FANCI: variants seen among roughly 807,000 people sequenced by gnomAD.
The protein encoded by FANCI is Fanconi anemia group I protein.
Under a neutral mutation model 176.1 loss-of-function variants are expected in FANCI, and 156 were observed. The observed-to-expected ratio is 0.89, with a 90% CI of 0.78 to 1.01. The LOEUF (loss-of-function observed/expected upper bound fraction) is 1.01, where lower values mean the gene tolerates loss of function less well. FANCI is among the 50% of genes least tolerant of loss of function. The pLI, the probability that FANCI is intolerant of heterozygous loss-of-function variation, is 0.00. For synonymous variants in FANCI, 613 were observed against 541.7 expected, an observed-to-expected ratio of 1.13 and a Z score of -1.83; for missense variants, 1,678 against 1,534.1, an observed-to-expected ratio of 1.09 and a Z score of -1.57.
intron 34 of FANCI, among the ~76,000 whole-genome samples, chr15:89,311,537 C>T (rs73472633): frequency 0.033 from 5,035 of 152,294 alleles, 255 homozygotes; most frequent in African/African-American, 0.11. Flanking sequence ...TGGACACAAC[C>T]TCTGGGAAGA....
chr15:89,261,781 C>T (rs374069063), intron 5 of FANCI, 40 bp downstream of exon 5: 14 of 1,614,116 alleles, frequency 8.7e-6, no homozygotes, highest in Middle Eastern at 3.3e-4. Flanking sequence ...TCTCTATGCA[C>T]ATAATCAAAT....
chr15:89,278,632 T>A lies in FANCI; in HGVS notation c.1294-55T>A, dbSNP rs968742658. 10 of 1,336,368 alleles carry A rather than the reference T, an allele frequency of 7.5e-6. No individual in the cohort carries two copies. The African/African-American group carries it at 8.7e-5, about 12-fold the overall frequency. 82.8% of individuals were successfully genotyped at this position (1,336,368 alleles called of 1,614,324 possible). On this transcript the variant is annotated intron_variant, in intron 13 of 37. Transcript: ENST00000310775. ...TCATGCTGCCTGACATGCATTGATA[T>A]ACTTAAAAGCTGAAGGGTCACCCAG...
chr15:89,314,746 C>A, intron 36 of FANCI, 39 bp downstream of exon 36: 1 of 1,455,562 alleles, frequency 6.9e-7, no homozygotes, highest in East Asian at 2.3e-5. Context: ...TTCCCATTTA[C>A]CTTCTTGACA....
At chr15:89,307,811 C>A in intron 34 of FANCI, 139 bp downstream of exon 34, 1 of 1,550,868 alleles carries the variant, frequency 6.4e-7, no homozygotes, top group Non-Finnish European at 8.7e-7. Flanking sequence ...CCATCAGAGA[C>A]CAAGCCAAGG....
At chr15:89,260,974 CAAAG>C in intron 4 of FANCI, 131 bp downstream of exon 4, 1 of 1,209,248 alleles carries the variant, frequency 8.3e-7, no homozygotes, top group Non-Finnish European at 1.2e-6. Context: ...TGTTAAAAAA[CAAAG>C]AAGCAGGCCG....
chr15:89,293,128 C>T, intron 22 of FANCI, 65 bp downstream of exon 22: 4 of 1,561,516 alleles, frequency 2.6e-6, no homozygotes, highest in South Asian at 1.1e-5. Context: ...CATATTTTTA[C>T]TGTAGCAGTA....
Position 89,251,588 on chromosome 15 carries a change from C to T in FANCI, c.84+3857C>T, listed in dbSNP as rs113607856. Among the ~76,000 whole-genome samples, 566 of 152,116 alleles carry T rather than the reference C, an allele frequency of 3.7e-3. 6 individuals are homozygous for T. The highest frequency in any genetic ancestry group is 0.013 in the African/African-American group (542 of 41,512). On this transcript the variant is annotated intron_variant, in intron 2 of 37. Coordinates refer to ENST00000310775, the MANE Select transcript of FANCI (RefSeq NM_001113378.2). Reference sequence around the variant, plus strand: ...AGAGGATATAGACTAATGTAACTTACGAATATTGATATAAAAGTCTTAAAT... The same window carrying T: ...AGAGGATATAGACTAATGTAACTTATGAATATTGATATAAAAGTCTTAAAT...
rs752433847 is a variant in FANCI at position 89,312,898 on chromosome 15, C to A, written c.3652-6C>A. 6.2e-7 allele frequency: 1 copy of A among 1,610,014 alleles called. No homozygotes were observed. The highest frequency in any genetic ancestry group is 1.7e-5 in the Admixed American group (1 of 59,882). On this transcript the variant is annotated splice_region_variant and splice_polypyrimidine_tract_variant and intron_variant, in intron 34 of 37. Transcript: ENST00000310775. ...GGAATAAGAGAATGTGTTTCTATTTCTTTAGAATAAGAGTAAGAGCCTGAA... is the reference window on the plus strand; with the variant it reads ...GGAATAAGAGAATGTGTTTCTATTTATTTAGAATAAGAGTAAGAGCCTGAA...
At chr15:89,304,004 A>G (rs2054619991) in intron 28 of FANCI, 89 bp downstream of exon 28, 3 of 1,272,770 alleles carry the variant, frequency 2.4e-6, no homozygotes, top group African/African-American at 1.5e-5. Flanking sequence ...TTCCCCATTC[A>G]TTACACATTC....
intron 10 of FANCI, among the ~76,000 whole-genome samples, chr15:89,269,910 A>C (rs1292871689): frequency 4.6e-5 from 7 of 151,644 alleles, no homozygotes; most frequent in African/African-American, 7.3e-5. Flanking sequence ...TCCCAGGTTC[A>C]AGTGATTCTC....
chr15:89,277,090 T>G (rs568409215), intron 13 of FANCI, among the ~76,000 whole-genome samples, 199 bp downstream of exon 13: 1 of 152,368 alleles, frequency 6.6e-6, no homozygotes, highest in East Asian at 1.9e-4. Context: ...TTCTTCTATG[T>G]AAGTTTTTCA....
At chr15:89,277,611 CAAAAAAAAAA>C (rs554395033) in intron 13 of FANCI, among the ~76,000 whole-genome samples, 22 of 48,952 alleles carry the variant, frequency 4.5e-4, no homozygotes, top group Non-Finnish European at 9.6e-4. Flanking sequence ...GATCCTATCT[CAAAAAAAAAA>C]AAAAAAAAAA....
At position 89,292,741 on chromosome 15, in the gene FANCI, C is replaced by T. The variant is rs748680028; in HGVS notation, c.2046C>T (p.Val682=). The T allele has an allele frequency of 6.2e-7, 1 of 1,613,872 alleles. No individual in the cohort carries two copies. The change falls in exon 21 of 38, where the codon GTC becomes GTT. Residue 682 remains valine (V), a synonymous_variant. Coordinates refer to ENST00000310775, the MANE Select transcript of FANCI (RefSeq NM_001113378.2). Reference sequence around the variant, plus strand: ...GTTTGGCCTGGTATAAGAATACAGTCATACCCTTACAGCAGGGAGAGGAGG... The same window carrying T: ...GTTTGGCCTGGTATAAGAATACAGTTATACCCTTACAGCAGGGAGAGGAGG... The part of the protein sequence containing the change: ...QHCLAWYKNT[V]IPLQQGEEEE...
In FANCI at chr15:89,314,477, G is replaced by A. The variant is rs1034826929; in HGVS notation, c.3721-135G>A. The A allele has an allele frequency of 1.1e-5, 7 of 615,078 alleles. No homozygotes were observed. In the African/African-American group the frequency reaches 2.0e-4, roughly 18 times the overall value. The allele number at this position is 615,078 out of a possible 1,614,324, so 38.1% of individuals were successfully genotyped here. On this transcript the variant is annotated intron_variant, in intron 35 of 37. Coordinates refer to ENST00000310775, the MANE Select transcript of FANCI (RefSeq NM_001113378.2). ...GAACTGCCAAAAATTTTAGATTACT[G>A]GTATACAACTGCATTTGATTGGGAG...
chr15:89,295,743 C>CTT (rs1555448225), intron 24 of FANCI, among the ~76,000 whole-genome samples: 1 of 127,418 alleles, frequency 7.8e-6, no homozygotes. Context: ...CCCCCCCCAC[C>CTT]TTTTTTTTTT....
chr15:89,282,983 CTTATT>C (rs1432570164), intron 16 of FANCI, 148 bp from the exon 17 acceptor site: 1 of 763,732 alleles, frequency 1.3e-6, no homozygotes, highest in South Asian at 1.5e-5. Context: ...CAGCTGATAC[CTTATT>C]TTGAGTACAT....
intron 34 of FANCI, 63 bp from the exon 35 acceptor site, chr15:89,312,841 A>G: frequency 7.7e-7 from 1 of 1,294,984 alleles, no homozygotes; most frequent in South Asian, 1.3e-5. Flanking sequence ...AAAAATTAGC[A>G]CTAGCATGCT....
At chr15:89,288,381 T>C (rs2053909914) in intron 18 of FANCI, among the ~76,000 whole-genome samples, 1 of 152,122 alleles carries the variant, frequency 6.6e-6, no homozygotes, top group African/African-American at 2.4e-5. Flanking sequence ...TAAAAAAAAT[T>C]AACATGAAGT....
chr15:89,299,315 A>G (rs74034403), intron 24 of FANCI, among the ~76,000 whole-genome samples: 5,072 of 152,264 alleles, frequency 0.033, 286 homozygotes, highest in African/African-American at 0.11. Context: ...AATTCATCCA[A>G]ACATTTAAGG....
Sources: gnomAD v4.1 joint callset for allele counts (sites outside exome capture counted in the v4.1 genomes callset) on GRCh38, gnomAD v4.1.1 for gene constraint, MANE v1.5 for transcripts, NCBI Gene and HGNC (gene_info 2026-07-23, HGNC 2026-07-21) for gene names.